The following EPHX2 variants were observed in gnomAD, a reference collection of about 807,000 sequenced individuals.
EPHX2 encodes epoxide hydrolase 2.
Under a neutral mutation model 78.7 loss-of-function variants are expected in EPHX2, and 74 were observed. The ratio of observed to expected loss-of-function variants is 0.94; its 90% CI spans 0.78 to 1.14. The LOEUF is 1.14. Among genes scored for constraint, EPHX2 ranks in the 50% most tolerant of loss-of-function variants. The pLI is 0.00. For missense variants in EPHX2, 715 were observed against 702.5 expected (o/e 1.02, Z -0.20); for synonymous variants, 251 against 255.2 (o/e 0.98, Z 0.16).
intron 16 of EPHX2, among the ~76,000 whole-genome samples, chr8:27,542,616 A>G (rs980046555): frequency 2.6e-5 from 4 of 152,150 alleles, no homozygotes; most frequent in Non-Finnish European, 4.4e-5. Flanking sequence ...GGTGAATCCC[A>G]ATGGTGCTAA....
chr8:27,520,974 A>G (rs1390789793), intron 10 of EPHX2, 65 bp downstream of exon 10: 24 of 1,605,716 alleles, frequency 1.5e-5, no homozygotes, highest in Non-Finnish European at 2.0e-5. Context: ...ATTAAAGAAA[A>G]GGCGTCAGCC....
At chr8:27,539,975 G>C (rs1015719065) in intron 14 of EPHX2, among the ~76,000 whole-genome samples, 2 of 152,132 alleles carry the variant, frequency 1.3e-5, no homozygotes, top group Non-Finnish European at 2.9e-5. Context: ...GGCTGCCAGG[G>C]GTCATCACAG....
chr8:27,501,116 TGTGAA>T, intron 2 of EPHX2, 106 bp downstream of exon 2: 1 of 888,718 alleles, frequency 1.1e-6, no homozygotes. Context: ...CCACCTTTTC[TGTGAA>T]GACAAATGTT....
intron 6 of EPHX2, 74 bp from the exon 7 acceptor site, chr8:27,515,644 C>A: frequency 7.9e-7 from 1 of 1,272,872 alleles, no homozygotes; most frequent in Non-Finnish European, 1.1e-6. Flanking sequence ...CCCTGGCATT[C>A]TGCAGACGCT....
chr8:27,516,274 C>T (rs1814447624), intron 7 of EPHX2, 46 bp from the exon 8 acceptor site: 4 of 1,568,700 alleles, frequency 2.5e-6, no homozygotes, highest in Middle Eastern at 1.7e-4. Context: ...GAGTATCCGC[C>T]TAGGACTGAT....
intron 5 of EPHX2, among the ~76,000 whole-genome samples, chr8:27,507,944 C>T (rs996554617): frequency 9.9e-5 from 15 of 152,264 alleles, no homozygotes; most frequent in Admixed American, 7.2e-4. Context: ...ACCCTAATGA[C>T]GTCCTTTAAC....
intron 1 of EPHX2, among the ~76,000 whole-genome samples, chr8:27,495,561 G>A (rs1813541817): frequency 6.6e-6 from 1 of 152,150 alleles, no homozygotes; most frequent in African/African-American, 2.4e-5. Context: ...CAAGCGCCTG[G>A]TATCTAAGCA....
chr8:27,541,614 C>T, intron 16 of EPHX2, 72 bp downstream of exon 16: 1 of 1,511,302 alleles, frequency 6.6e-7, no homozygotes, highest in Non-Finnish European at 9.2e-7. Flanking sequence ...TTGGCCTGAG[C>T]TGATATGACC....
chr8:27,542,267 G>T (rs1348159398), intron 16 of EPHX2, among the ~76,000 whole-genome samples: 1 of 152,120 alleles, frequency 6.6e-6, no homozygotes, highest in Non-Finnish European at 1.5e-5. Flanking sequence ...TAAGTCTTGA[G>T]GCACTAGAGT....
chr8:27,516,243 G>A (rs1814446392), intron 7 of EPHX2, 77 bp from the exon 8 acceptor site: 2 of 1,360,664 alleles, frequency 1.5e-6, no homozygotes, highest in Admixed American at 1.7e-5. Context: ...AGGAAGAAGG[G>A]GATGGAGGGA....
chr8:27,544,129 A>C, intron 17 of EPHX2, 57 bp from the exon 18 acceptor site: 9 of 1,596,334 alleles, frequency 5.6e-6, no homozygotes, highest in Non-Finnish European at 7.7e-6. Flanking sequence ...TGCACTAGCT[A>C]GAGACACACC....
chr8:27,500,422 C>T (rs545502014), intron 1 of EPHX2, among the ~76,000 whole-genome samples: 1 of 152,078 alleles, frequency 6.6e-6, no homozygotes, highest in Non-Finnish European at 1.5e-5. Flanking sequence ...ATCTGAGGTA[C>T]GTCTTTATAG....
Position 27,516,303 on chromosome 8 carries a change from G to T in EPHX2, c.832-17G>T, listed in dbSNP as rs568575483. 32 of 1,612,430 alleles carry T rather than the reference G, an allele frequency of 2.0e-5. No individual in the cohort carries two copies. The African/African-American group carries it at 3.6e-4, about 18-fold the overall frequency. ...GACTGATGGGACCATGCTGGAGTGT[G>T]CCTGTTTGTTTTCTAGATCCCTGCT... On this transcript the variant is annotated splice_polypyrimidine_tract_variant and intron_variant, in intron 7 of 18. Coordinates refer to ENST00000521400, the MANE Select transcript of EPHX2 (RefSeq NM_001979.6).
chr8:27,525,397 C>A lies in EPHX2; in HGVS notation c.1094C>A (p.Ala365Glu). 6.2e-7 allele frequency: 1 copy of A among 1,614,182 alleles called. No individual in the cohort carries two copies. Among genetic ancestry groups the A allele is most frequent in the African/African-American group, 1.3e-5 (1 of 75,040 alleles). The change falls in exon 12 of 19, where the codon GCA becomes GAA. Residue 365 changes from alanine to glutamate, a missense_variant. Physicochemically the swap from Ala to Glu is moderately radical, Grantham distance 107. Transcript: ENST00000521400. Reference protein sequence around the residue: ...VASLNTPFIPANPNMSPLESI... With the variant: ...VASLNTPFIPENPNMSPLESI... ...AGTTTGAATACTCCCTTCATACCAG[C>A]AAATCCCAACATGTCCCCTTTGGAG...
rs147402090 is a variant in EPHX2 at position 27,499,895 on chromosome 8, C to A, written c.102-1031C>A. On this transcript the variant is annotated intron_variant, in intron 1 of 18. Coordinates refer to ENST00000521400, the MANE Select transcript of EPHX2 (RefSeq NM_001979.6). ...TCTGTGTGTGTCTGTGTCCTAATCG[C>A]CTTATAAGGGCACCAGTCCTATTGT... Among the ~76,000 whole-genome samples the A allele has an allele frequency of 2.8e-3, 425 of 152,226 alleles. 4 individuals carry two copies. The highest frequency in any genetic ancestry group is 9.1e-3 in the African/African-American group (379 of 41,520).
intron 13 of EPHX2, among the ~76,000 whole-genome samples, chr8:27,537,896 G>A (rs1467557470): frequency 6.6e-6 from 1 of 152,040 alleles, no homozygotes; most frequent in East Asian, 1.9e-4. Flanking sequence ...TGGTTTATAA[G>A]CTCATCTTCA....
At chr8:27,504,852 G>T in intron 3 of EPHX2, 104 bp from the exon 4 acceptor site, 1 of 1,215,108 alleles carries the variant, frequency 8.2e-7, no homozygotes, top group South Asian at 1.4e-5. Flanking sequence ...TAATAAAAGT[G>T]AGCACAACCT....
At chr8:27,537,984 C>A (rs772358216) in intron 13 of EPHX2, among the ~76,000 whole-genome samples, 1 of 152,168 alleles carries the variant, frequency 6.6e-6, no homozygotes, top group Non-Finnish European at 1.5e-5. Flanking sequence ...ATTTCTTCTG[C>A]CAGGCATCCT....
intron 5 of EPHX2, among the ~76,000 whole-genome samples, chr8:27,507,243 C>A (rs1326571838): frequency 6.6e-6 from 1 of 152,192 alleles, no homozygotes; most frequent in Non-Finnish European, 1.5e-5. Flanking sequence ...GGCCGGGGAA[C>A]TGGCAGCAAG....
Sources: gnomAD v4.1 joint callset for allele counts (sites outside exome capture counted in the v4.1 genomes callset) on GRCh38, gnomAD v4.1.1 for gene constraint, MANE v1.5 for transcripts, NCBI Gene and HGNC (gene_info 2026-07-23, HGNC 2026-07-21) for gene names.